GID4: variants seen among roughly 807,000 people sequenced by gnomAD.
GID4 encodes GID complex subunit 4 homolog.
In GID4, 7 loss-of-function variants were observed where a neutral mutation model predicts 32.4. The ratio of observed to expected loss-of-function variants is 0.22; its 90% confidence interval spans 0.12 to 0.41. GID4 has a LOEUF of 0.41. GID4 is among the 10% of genes least tolerant of loss of function. The probability of loss-of-function intolerance (pLI) is 1.00; values close to 1 mark genes in which losing one functional copy is unlikely to be tolerated. For missense variants in GID4, 309 were observed against 400.0 expected, an observed-to-expected ratio of 0.77 and a Z score of 1.94; for synonymous variants, 166 against 170.0, an observed-to-expected ratio of 0.98 and a Z score of 0.18.
At chr17:18,062,400 G>A (rs1342724459) in intron 5 of GID4, among the ~76,000 whole-genome samples, 3 of 152,188 alleles carry the variant, frequency 2.0e-5, no homozygotes, top group African/African-American at 7.2e-5. Flanking sequence ...ACATGCACTT[G>A]ATTTAAGGCT....
rs752266239 is a variant in GID4, at chr17:18,054,262, A to G, written c.606+28A>G. 3 of 1,320,374 alleles carry G rather than the reference A, an allele frequency of 2.3e-6. No individual in the cohort carries two copies. In the African/African-American group the frequency reaches 4.4e-5, roughly 19 times the overall value. 81.8% of individuals were successfully genotyped at this position (1,320,374 alleles called of 1,614,324 possible). ...GAGTAAATCTGATCTGTGCTGGGTC[A>G]TCTAGGGGCTGCTAGAGAATTGAAG... On this transcript the variant is annotated intron_variant, in intron 3 of 5. Transcript: ENST00000268719.
rs1438042772 is a variant in GID4, at chr17:18,052,703, T to C, written c.499-1424T>C. ...GTCTTATTAATCTTTTTTAAAATCA[T>C]TGGTGCCTACTTATTAACACATGAA... On this transcript the variant is annotated intron_variant, in intron 2 of 5. Coordinates refer to ENST00000268719, the MANE Select transcript of GID4 (RefSeq NM_024052.5). 5.3e-5 allele frequency among the ~76,000 whole-genome samples: 8 copies of C among 152,232 alleles called. No homozygotes were observed. The South Asian group carries it at 8.3e-4, about 16-fold the overall frequency.
In GID4 at chr17:18,039,618, C is replaced by T; in HGVS notation, c.154C>T (p.Pro52Ser). The part of the protein sequence containing the change: ...PSRPHPARAR[P>S]GLSLPATLLG... ...CCGCCCCCACCCCGCGCGTGCGCGCCCCGGCCTCTCCCTCCCCGCCACCCT... is the reference window on the plus strand; with the variant it reads ...CCGCCCCCACCCCGCGCGTGCGCGCTCCGGCCTCTCCCTCCCCGCCACCCT... Residue 52 changes from proline to serine, a missense_variant, in exon 1 of 6, where the codon CCC (proline) becomes TCC (serine). Physicochemically the swap from Pro to Ser is moderately conservative, Grantham distance 74. Coordinates refer to ENST00000268719, the MANE Select transcript of GID4 (RefSeq NM_024052.5). The surrounding 1 kb of genome is among the most constrained non-coding windows in gnomAD (Gnocchi z 5.3). 2.3e-6 allele frequency: 3 copies of T among 1,293,194 alleles called. No individual in the cohort carries two copies. Among genetic ancestry groups the T allele is most frequent in the Non-Finnish European group, 2.9e-6 (3 of 1,023,780 alleles). 80.1% of individuals were successfully genotyped at this position (1,293,194 alleles called of 1,614,324 possible).
chr17:18,040,650 G>A (rs957680289), intron 1 of GID4, among the ~76,000 whole-genome samples: 8 of 152,162 alleles, frequency 5.3e-5, no homozygotes, highest in African/African-American at 1.9e-4. Flanking sequence ...TCCTGCCCCT[G>A]CTCTGGGACC....
At position 18,039,507 on chromosome 17, in the gene GID4, A is replaced by G; in HGVS notation, c.43A>G (p.Thr15Ala). 7.6e-7 allele frequency: 1 copy of G among 1,323,480 alleles called. No individual in the cohort carries two copies. Among genetic ancestry groups the G allele is most frequent in the Non-Finnish European group, 9.6e-7 (1 of 1,041,450 alleles). The allele number at this position is 1,323,480 out of a possible 1,614,324, so 82.0% of individuals were successfully genotyped here. ...AGTCGGGAGGGGGACCCAGCTCAGGACTGGGAGGCCCTGCTCGCAGGTCCC... is the reference window on the plus strand; with the variant it reads ...AGTCGGGAGGGGGACCCAGCTCAGGGCTGGGAGGCCCTGCTCGCAGGTCCC... Reference protein sequence around the residue: ...GQVGRGTQLRTGRPCSQVPGS... With the variant: ...GQVGRGTQLRAGRPCSQVPGS... Residue 15 changes from threonine (T) to alanine (A), a missense_variant, in exon 1 of 6, where the codon ACT becomes GCT. Physicochemically the swap from Thr to Ala is moderately conservative, Grantham distance 58. Coordinates refer to ENST00000268719, the MANE Select transcript of GID4 (RefSeq NM_024052.5). This position sits in a 1 kb window ranked among gnomAD's most constrained non-coding sequence, Gnocchi z 5.3.
At chr17:18,040,762 C>G (rs2044790922) in intron 1 of GID4, among the ~76,000 whole-genome samples, 1 of 152,150 alleles carries the variant, frequency 6.6e-6, no homozygotes, top group South Asian at 2.1e-4. Context: ...CTTTCCTGTT[C>G]TTAACTTTTC....
chr17:18,047,671 C>T (rs1344715979), intron 2 of GID4, among the ~76,000 whole-genome samples: 1 of 152,224 alleles, frequency 6.6e-6, no homozygotes, highest in Non-Finnish European at 1.5e-5. Context: ...AGCACATACC[C>T]TCCCCAGAGT....
Position 18,039,857 on chromosome 17 carries a change from C to G in GID4, c.393C>G (p.His131Gln), listed in dbSNP as rs748535840. 2 of 1,546,066 alleles carry G rather than the reference C, an allele frequency of 1.3e-6. No homozygotes were observed. The highest frequency in any genetic ancestry group is 1.7e-6 in the Non-Finnish European group (2 of 1,144,706). Reference protein sequence around the residue: ...LLYSGSKFRGHQKSKGNSYDV... With the variant: ...LLYSGSKFRGQQKSKGNSYDV... Reference sequence around the variant, plus strand: ...ACAGCGGCTCCAAGTTCCGCGGCCACCAGAAGAGCAAGGGGAACTCGTACG... The same window carrying G: ...ACAGCGGCTCCAAGTTCCGCGGCCAGCAGAAGAGCAAGGGGAACTCGTACG... The change falls in exon 1 of 6, where the codon CAC (histidine) becomes CAG (glutamine). Residue 131 changes from histidine to glutamine, a missense_variant. Physicochemically the swap from His to Gln is conservative, Grantham distance 24 (BLOSUM62 0). Around this residue, in one of 2 missense-constraint regions of GID4, gnomAD observed 116 missense variants for 214.2 expected, o/e 0.54. Transcript: ENST00000268719. The surrounding 1 kb of genome is among the most constrained non-coding windows in gnomAD (Gnocchi z 5.3).
intron 1 of GID4, among the ~76,000 whole-genome samples, chr17:18,041,434 T>A (rs1327718627): frequency 6.6e-6 from 1 of 152,248 alleles, no homozygotes. Flanking sequence ...TGAAACAGCA[T>A]CGTCATGTTA....
Position 18,039,620 on chromosome 17 carries a change from C to G in GID4, c.156C>G (p.Pro52=), listed in dbSNP as rs1047321605. The stretch of plus-strand genomic sequence containing the variant: ...GCCCCCACCCCGCGCGTGCGCGCCC[C>G]GGCCTCTCCCTCCCCGCCACCCTCC... ...PSRPHPARAR[P]GLSLPATLLG... Residue 52 remains proline, a synonymous_variant, in exon 1 of 6, where the codon CCC becomes CCG. Transcript: ENST00000268719. This position sits in a 1 kb window ranked among gnomAD's most constrained non-coding sequence, Gnocchi z 5.3. 15 of 1,293,312 alleles carry G rather than the reference C, an allele frequency of 1.2e-5. No individual in the cohort carries two copies. The African/African-American group carries it at 2.2e-4, about 19-fold the overall frequency. 80.1% of individuals were successfully genotyped at this position (1,293,312 alleles called of 1,614,324 possible).
chr17:18,064,642 T>TA (rs2045044769), intron 5 of GID4, among the ~76,000 whole-genome samples: 1 of 152,140 alleles, frequency 6.6e-6, no homozygotes, highest in African/African-American at 2.4e-5. Context: ...ACACCTCAGA[T>TA]ATCACTAATG....
intron 2 of GID4, among the ~76,000 whole-genome samples, chr17:18,048,490 G>A (rs2044877985): frequency 1.3e-5 from 2 of 152,220 alleles, no homozygotes; most frequent in African/African-American, 2.4e-5. Flanking sequence ...AACGCACCCA[G>A]CCTGATAACT....
At chr17:18,052,704 T>A (rs1288755412) in intron 2 of GID4, among the ~76,000 whole-genome samples, 2 of 152,226 alleles carry the variant, frequency 1.3e-5, no homozygotes, top group Non-Finnish European at 2.9e-5. Flanking sequence ...TTAAAATCAT[T>A]GGTGCCTACT....
Position 18,058,912 on chromosome 17 carries a change from A to G in GID4, c.651A>G (p.Ser217=), listed in dbSNP as rs776006285. Residue 217 remains serine, a synonymous_variant, in exon 4 of 6, where the codon TCA becomes TCG. Coordinates refer to ENST00000268719, the MANE Select transcript of GID4 (RefSeq NM_024052.5). ...AFYQYAKSFN[S]DDFDYEELKN... is the part of the protein sequence containing the mutation. Reference sequence around the variant, plus strand: ...ATCAGTATGCAAAATCATTTAACTCAGATGACTTTGATTATGAAGAGCTGA... The same window carrying G: ...ATCAGTATGCAAAATCATTTAACTCGGATGACTTTGATTATGAAGAGCTGA... 1.7e-5 allele frequency: 27 copies of G among 1,613,642 alleles called. No individual in the cohort carries two copies. In the South Asian group the frequency reaches 2.5e-4, roughly 15 times the overall value.
At chr17:18,060,051 A>G (rs1217611948) in intron 4 of GID4, among the ~76,000 whole-genome samples, 1 of 137,462 alleles carries the variant, frequency 7.3e-6, no homozygotes, top group Admixed American at 8.4e-5. Context: ...ACGCCACTGC[A>G]CTCCAGCCTG....
chr17:18,048,390 C>T (rs932016904), intron 2 of GID4, among the ~76,000 whole-genome samples: 9 of 151,986 alleles, frequency 5.9e-5, no homozygotes, highest in Non-Finnish European at 1.0e-4. Context: ...GACAGGGTTT[C>T]GCCATGTTGG....
chr17:18,060,944 A>G (rs906882341), intron 4 of GID4, among the ~76,000 whole-genome samples: 1 of 152,180 alleles, frequency 6.6e-6, no homozygotes, highest in African/African-American at 2.4e-5. Context: ...CATATTGGCC[A>G]GGCTGGTCTC....
intron 3 of GID4, among the ~76,000 whole-genome samples, chr17:18,058,337 G>T (rs2044989284): frequency 6.6e-6 from 1 of 152,138 alleles, no homozygotes; most frequent in African/African-American, 2.4e-5. Flanking sequence ...ATTCATGGGG[G>T]TCCTGGAACC....
chr17:18,067,481 G>T lies in GID4; in HGVS notation c.*2238G>T, dbSNP rs745984018. 4.6e-5 allele frequency: 7 copies of T among 152,326 alleles called. No homozygotes were observed. The highest frequency in any genetic ancestry group is 7.3e-5 in the Non-Finnish European group (5 of 68,038). 9.4% of individuals were successfully genotyped at this position (152,326 alleles called of 1,614,324 possible). A position where few individuals can be genotyped will look rare whatever the true frequency, so the allele number is the denominator to read the frequency against. On this transcript the variant is annotated 3_prime_UTR_variant, in exon 6 of 6. Transcript: ENST00000268719. ...CCATTGTACTGGGAAGAATGAAGAG[G>T]TGATACCTTTACTAGATCCTTCAGA...
Sources: gnomAD v4.1 joint callset for allele counts (sites outside exome capture counted in the v4.1 genomes callset) on GRCh38, gnomAD v4.1.1 for gene constraint, gnomAD v4.1.1 regional missense constraint, Gnocchi (gnomAD v3.1) non-coding constraint, MANE v1.5 for transcripts, NCBI Gene and HGNC (gene_info 2026-07-23, HGNC 2026-07-21) for gene names.